Variants in PLXDC1 observed in about 807,000 individuals in gnomAD.
PLXDC1 encodes plexin domain containing 1, also known as plexin domain-containing protein 1.
A neutral mutation model predicts 61.3 loss-of-function variants in PLXDC1; 39 were observed. The ratio of observed to expected loss-of-function variants is 0.64; its 90% CI spans 0.49 to 0.83. PLXDC1 has a LOEUF of 0.83. PLXDC1 is among the 40% of genes least tolerant of loss of function. The probability of loss-of-function intolerance (pLI) is 0.00; values close to 1 mark genes in which losing one functional copy is unlikely to be tolerated. For synonymous variants in PLXDC1, 212 were observed against 254.5 expected (o/e 0.83, Z 1.59); for missense variants, 596 against 666.5 (o/e 0.89, Z 1.17).
chr17:39,107,395 G>A lies in PLXDC1; in HGVS notation c.711+12C>T. 2.7e-6 allele frequency: 4 copies of A among 1,504,478 alleles called. No individual in the cohort carries two copies. The highest frequency in any genetic ancestry group is 3.7e-6 in the Non-Finnish European group (4 of 1,092,880). 93.2% of individuals were successfully genotyped at this position (1,504,478 alleles called of 1,614,324 possible). A position where few individuals can be genotyped will look rare whatever the true frequency, so the allele number is the denominator to read the frequency against. On this transcript the variant is annotated intron_variant, in intron 6 of 13. Transcript: ENST00000315392. ...CCAAGACCCAGCTGTCTCTGCAGCT[G>A]GGCCCACTCACCTCTTTATAGGCAA...
At chr17:39,082,563 C>CAGA (rs1555570477) in intron 9 of PLXDC1, among the ~76,000 whole-genome samples, 4 of 143,780 alleles carry the variant, frequency 2.8e-5, no homozygotes, top group Non-Finnish European at 6.1e-5. Flanking sequence ...AAAACTCTCT[C>CAGA]AAAAAAAAAA....
chr17:39,080,418 G>C (rs556633033), intron 9 of PLXDC1: 3 of 152,226 alleles, frequency 2.0e-5, no homozygotes, highest in Non-Finnish European at 4.4e-5. Context: ...GGGTCATGGC[G>C]GGGCGGGGGC....
intron 7 of PLXDC1, among the ~76,000 whole-genome samples, chr17:39,091,142 A>T (rs1909934043): frequency 2.6e-5 from 4 of 152,078 alleles, no homozygotes; most frequent in South Asian, 4.2e-4. Flanking sequence ...TTTCTTCCTG[A>T]TTACTGTTTC....
intron 8 of PLXDC1, among the ~76,000 whole-genome samples, chr17:39,085,811 G>A (rs1909720337): frequency 6.6e-6 from 1 of 152,044 alleles, no homozygotes; most frequent in Admixed American, 6.6e-5. Context: ...GGTTTCCCAG[G>A]GGCTCAAATC....
rs1909629047 is a variant in PLXDC1, at chr17:39,083,336, G to A, written c.989+123C>T. 4 of 747,084 alleles carry A rather than the reference G, an allele frequency of 5.4e-6. 1 individual carries two copies. Among genetic ancestry groups the A allele is most frequent in the East Asian group, 5.4e-5 (2 of 37,346 alleles). The allele number at this position is 747,084 out of a possible 1,614,324, so 46.3% of individuals were successfully genotyped here. ...TGTTCTTGTCCCAAGAGTCAGAGTGGTACTGGCCAGAGATACTCTCATGTT... is the reference window on the plus strand; with the variant it reads ...TGTTCTTGTCCCAAGAGTCAGAGTGATACTGGCCAGAGATACTCTCATGTT... On this transcript the variant is annotated intron_variant, in intron 9 of 13. Coordinates refer to ENST00000315392, the MANE Select transcript of PLXDC1 (RefSeq NM_020405.5).
At chr17:39,083,417 C>T (rs781080522) in intron 9 of PLXDC1, 42 bp downstream of exon 9, 27 of 1,519,166 alleles carry the variant, frequency 1.8e-5, no homozygotes, top group African/African-American at 1.5e-4. Flanking sequence ...TTCCCCTCCA[C>T]AGTCGGCCAG....
At chr17:39,094,290 C>T (rs1598193501) in intron 7 of PLXDC1, among the ~76,000 whole-genome samples, 1 of 152,176 alleles carries the variant, frequency 6.6e-6, no homozygotes, top group African/African-American at 2.4e-5. Context: ...CTCTCCTTCC[C>T]CTTCAGCACC....
intron 1 of PLXDC1, among the ~76,000 whole-genome samples, chr17:39,149,417 C>T (rs2045360412): frequency 6.6e-6 from 1 of 152,212 alleles, no homozygotes; most frequent in Admixed American, 6.5e-5. Flanking sequence ...CAGACACCCG[C>T]TTCCTCCTCA....
intron 7 of PLXDC1, among the ~76,000 whole-genome samples, chr17:39,092,459 C>A (rs1307519818): frequency 1.3e-5 from 2 of 152,244 alleles, no homozygotes; most frequent in South Asian, 2.1e-4. Flanking sequence ...CACAGCGCCA[C>A]CATGCAGCAC....
chr17:39,070,124 T>C, intron 12 of PLXDC1, 108 bp from the exon 13 acceptor site: 1 of 757,430 alleles, frequency 1.3e-6, no homozygotes, highest in East Asian at 2.6e-5. Context: ...CGACAGAGCC[T>C]TTGGGTCCAC....
chr17:39,069,873 C>T lies in PLXDC1; in HGVS notation c.1366G>A (p.Ala456Thr). Residue 456 changes from alanine (A) to threonine (T), a missense_variant, in exon 13 of 14, where the codon GCG (alanine) becomes ACG (threonine). Coordinates refer to ENST00000315392, the MANE Select transcript of PLXDC1 (RefSeq NM_020405.5). Reference sequence around the variant, plus strand: ...ACACGGACCTCGATGAAGAAGAGCGCAGCATTGGATGTGGGGTGGCCATTG... The same window carrying T: ...ACACGGACCTCGATGAAGAAGAGCGTAGCATTGGATGTGGGGTGGCCATTG... ...YINGHPTSNA[A>T]LFFIERRPHH... is the part of the protein sequence containing the mutation. 6.2e-7 allele frequency: 1 copy of T among 1,613,928 alleles called. No individual in the cohort carries two copies. The highest frequency in any genetic ancestry group is 8.5e-7 in the Non-Finnish European group (1 of 1,179,874).
intron 2 of PLXDC1, among the ~76,000 whole-genome samples, chr17:39,120,236 C>T (rs1225891501): frequency 2.0e-5 from 3 of 152,196 alleles, no homozygotes; most frequent in African/African-American, 7.2e-5. Flanking sequence ...ACGGCAACCT[C>T]TGCCTCCCAG....
intron 4 of PLXDC1, 125 bp from the exon 5 acceptor site, chr17:39,108,370 G>A (rs1366566385): frequency 2.7e-5 from 27 of 1,010,134 alleles, no homozygotes; most frequent in South Asian, 2.1e-4. Context: ...GACCTCTGTC[G>A]CCCATCCCCA....
intron 7 of PLXDC1, among the ~76,000 whole-genome samples, chr17:39,103,288 G>A (rs1910488196): frequency 2.6e-5 from 4 of 152,080 alleles, no homozygotes; most frequent in Admixed American, 2.6e-4. Flanking sequence ...CAGCACATTG[G>A]GCACTGGGAG....
At chr17:39,121,243 T>C (rs1240126059) in intron 2 of PLXDC1, among the ~76,000 whole-genome samples, 1 of 152,244 alleles carries the variant, frequency 6.6e-6, no homozygotes, top group Admixed American at 6.5e-5. Flanking sequence ...CACTTCAAGA[T>C]AGCTCACCTT....
rs200335415 is a variant in PLXDC1, at chr17:39,118,215, C to CT, written c.256-8825dup. On this transcript the variant is annotated intron_variant, in intron 2 of 13. Coordinates refer to ENST00000315392, the MANE Select transcript of PLXDC1 (RefSeq NM_020405.5). The stretch of plus-strand genomic sequence containing the variant: ...CTGTCTCTCTCTCTTTTCTTTTCTT[C>CT]TTTTTTGAGATGGAGTTTCGTTCTT... Among the ~76,000 whole-genome samples, 595 of 148,446 alleles carry CT rather than the reference C, an allele frequency of 4.0e-3. 4 individuals are homozygous for CT. The highest frequency in any genetic ancestry group is 0.014 in the Middle Eastern group (4 of 292).
At chr17:39,107,075 C>T (rs1359479697) in intron 6 of PLXDC1, among the ~76,000 whole-genome samples, 1 of 152,198 alleles carries the variant, frequency 6.6e-6, no homozygotes, top group Admixed American at 6.5e-5. Flanking sequence ...TTCCTGAACT[C>T]GTATTTATCC....
At chr17:39,109,127 C>T in intron 3 of PLXDC1, 121 bp downstream of exon 3, 1 of 1,383,088 alleles carries the variant, frequency 7.2e-7, no homozygotes, top group Non-Finnish European at 1.0e-6. Context: ...CATGGGAACC[C>T]CTGGAAGGTA....
At chr17:39,073,561 C>T (rs760021521) in intron 11 of PLXDC1, among the ~76,000 whole-genome samples, 1 of 152,232 alleles carries the variant, frequency 6.6e-6, no homozygotes, top group African/African-American at 2.4e-5. Context: ...CCCAGAGTGA[C>T]TGAAGGTGGC....
Sources: allele counts gnomAD v4.1 joint callset (sites outside exome capture counted in the v4.1 genomes callset), GRCh38; gene constraint gnomAD v4.1.1; transcripts MANE v1.5; gene names NCBI Gene and HGNC (gene_info 2026-07-23, HGNC 2026-07-21).